The following RCOR1 variants were observed in gnomAD, a reference collection of about 807,000 sequenced individuals.
RCOR1 encodes the protein REST corepressor 1.
RCOR1 carries 12 observed loss-of-function variants against 64.0 expected under a neutral mutation model. The observed-to-expected ratio is 0.19, with a 90% CI of 0.12 to 0.30. The LOEUF is 0.30. RCOR1 is among the 10% of genes least tolerant of loss of function. RCOR1 has a pLI of 1.00. For missense variants in RCOR1, 502 were observed against 621.2 expected, an observed-to-expected ratio of 0.81 and a Z score of 2.04; for synonymous variants, 279 against 227.2, an observed-to-expected ratio of 1.23 and a Z score of -2.05.
rs1475057511 is a variant in RCOR1, at chr14:102,727,708, G to C, written c.*1202G>C. 1 of 152,156 alleles carries C rather than the reference G, an allele frequency of 6.6e-6. No homozygotes were observed. The highest frequency in any genetic ancestry group is 6.5e-5 in the Admixed American group (1 of 15,272). 9.4% of individuals were successfully genotyped at this position (152,156 alleles called of 1,614,324 possible). On this transcript the variant is annotated 3_prime_UTR_variant, in exon 12 of 12. Transcript: ENST00000262241. The stretch of plus-strand genomic sequence containing the variant: ...GAAGTGATCAATGTATTGGTCTAGT[G>C]AGACTGAGATGAAAAGAAATAACCT...
chr14:102,700,314 C>T (rs759055221), intron 3 of RCOR1, among the ~76,000 whole-genome samples: 4 of 152,164 alleles, frequency 2.6e-5, no homozygotes, highest in Admixed American at 1.3e-4. Flanking sequence ...CTCTGCCTCC[C>T]GGGTTCAAGC....
intron 11 of RCOR1, among the ~76,000 whole-genome samples, chr14:102,724,061 G>A (rs749914263): frequency 4.1e-4 from 63 of 152,070 alleles, no homozygotes; most frequent in Non-Finnish European, 6.6e-4. Flanking sequence ...AGCCCAGAAG[G>A]TTCTTCCGTA....
chr14:102,707,566 T>C (rs1278090261), intron 5 of RCOR1, 54 bp downstream of exon 5: 3 of 1,409,782 alleles, frequency 2.1e-6, no homozygotes, highest in African/African-American at 1.5e-5. Flanking sequence ...TAACTCTCTT[T>C]TGCAGCATAC....
chr14:102,715,917 C>T (rs1324786310), intron 8 of RCOR1, among the ~76,000 whole-genome samples: 3 of 152,168 alleles, frequency 2.0e-5, no homozygotes, highest in Admixed American at 2.0e-4. Flanking sequence ...TGTTGAGCAG[C>T]ATCCCTGGTC....
intron 2 of RCOR1, among the ~76,000 whole-genome samples, chr14:102,624,708 G>C (rs1372517518): frequency 6.6e-6 from 1 of 151,582 alleles, no homozygotes; most frequent in East Asian, 1.9e-4. Flanking sequence ...CGAGGTTCCA[G>C]TGAGCTGAGA....
chr14:102,707,339 T>G lies in RCOR1; in HGVS notation c.499-12T>G. ...TGTTTGATCTAAAATTTTACTGATA[T>G]CATTTTTGTAGGCTCTTGGGATGCT... On this transcript the variant is annotated splice_polypyrimidine_tract_variant and intron_variant, in intron 4 of 11. Coordinates refer to ENST00000262241, the MANE Select transcript of RCOR1 (RefSeq NM_015156.4). 6.4e-7 allele frequency: 1 copy of G among 1,566,370 alleles called. No individual in the cohort carries two copies. Among genetic ancestry groups the G allele is most frequent in the Non-Finnish European group, 8.6e-7 (1 of 1,163,762 alleles).
At chr14:102,675,879 T>G (rs983963343) in intron 2 of RCOR1, among the ~76,000 whole-genome samples, 3 of 152,226 alleles carry the variant, frequency 2.0e-5, no homozygotes, top group African/African-American at 7.2e-5. Context: ...TTGTACTGGC[T>G]TCTTTCACTC....
At chr14:102,674,603 C>A (rs1451233261) in intron 2 of RCOR1, among the ~76,000 whole-genome samples, 1 of 152,144 alleles carries the variant, frequency 6.6e-6, no homozygotes, top group Non-Finnish European at 1.5e-5. Flanking sequence ...GTCCACTTTA[C>A]TATACATTGC....
At chr14:102,662,563 G>T in intron 2 of RCOR1, 1 of 474,834 alleles carries the variant, frequency 2.1e-6, no homozygotes, top group Non-Finnish European at 4.1e-6. Context: ...GCAGTGTTTT[G>T]GGCCGCTGGA....
intron 2 of RCOR1, among the ~76,000 whole-genome samples, chr14:102,638,815 A>G (rs1248387516): frequency 6.6e-6 from 1 of 151,784 alleles, no homozygotes; most frequent in African/African-American, 2.4e-5. Flanking sequence ...GGTGCGAACC[A>G]CCACATCCGG....
intron 8 of RCOR1, among the ~76,000 whole-genome samples, chr14:102,717,186 A>G (rs1451331454): frequency 3.3e-5 from 5 of 152,242 alleles, no homozygotes; most frequent in Non-Finnish European, 7.3e-5. Context: ...TCAACCTAGT[A>G]GTTGGGTCCT....
intron 6 of RCOR1, among the ~76,000 whole-genome samples, chr14:102,709,970 G>T (rs1163803664): frequency 2.6e-5 from 4 of 152,096 alleles, no homozygotes; most frequent in Admixed American, 1.3e-4. Flanking sequence ...CACCTCCCAT[G>T]TGCACCTCAA....
chr14:102,630,325 CT>C (rs1894084641), intron 2 of RCOR1, among the ~76,000 whole-genome samples: 1 of 152,206 alleles, frequency 6.6e-6, no homozygotes, highest in South Asian at 2.1e-4. Context: ...CAGCCTGAGG[CT>C]TTCACCAGAT....
At chr14:102,633,162 AT>A (rs1276859983) in intron 2 of RCOR1, among the ~76,000 whole-genome samples, 6 of 151,838 alleles carry the variant, frequency 4.0e-5, no homozygotes, top group African/African-American at 1.5e-4. Context: ...ATAAGATAAA[AT>A]TTCACTCTGC....
At chr14:102,681,357 A>T (rs1472363927) in intron 2 of RCOR1, among the ~76,000 whole-genome samples, 1 of 152,232 alleles carries the variant, frequency 6.6e-6, no homozygotes, top group East Asian at 1.9e-4. Flanking sequence ...GCTTGCGGTT[A>T]ATTCAGTAAT....
Position 102,710,954 on chromosome 14 carries a change from G to C in RCOR1, c.799G>C (p.Ala267Pro). The change falls in exon 7 of 12, where the codon GCA becomes CCA. Residue 267 changes from alanine (A) to proline (P), a missense_variant. Ala to Pro is a conservative substitution (Grantham distance 27). Coordinates refer to ENST00000262241, the MANE Select transcript of RCOR1 (RefSeq NM_015156.4). ...REESEDELEE[A>P]NGNNPIDIEV... ...TTCCAGCGAGGATGAACTGGAAGAGGCAAATGGAAACAATCCCATTGACAT... is the reference window on the plus strand; with the variant it reads ...TTCCAGCGAGGATGAACTGGAAGAGCCAAATGGAAACAATCCCATTGACAT... 6.2e-7 allele frequency: 1 copy of C among 1,605,818 alleles called. No individual in the cohort carries two copies. Among genetic ancestry groups the C allele is most frequent in the Non-Finnish European group, 8.5e-7 (1 of 1,178,008 alleles).
chr14:102,607,174 C>G (rs893989210), intron 2 of RCOR1, among the ~76,000 whole-genome samples: 8 of 152,028 alleles, frequency 5.3e-5, no homozygotes, highest in African/African-American at 1.9e-4. Context: ...CTTAGGTGAT[C>G]CGTCTGCCTT....
chr14:102,626,077 A>T (rs1893975444), intron 2 of RCOR1, among the ~76,000 whole-genome samples: 1 of 152,108 alleles, frequency 6.6e-6, no homozygotes, highest in South Asian at 2.1e-4. Context: ...TTTCCAGCTG[A>T]TGCCCTTCCA....
rs1894700264 is a variant in RCOR1, at chr14:102,655,296, A to G, written c.362-26599A>G. On this transcript the variant is annotated intron_variant, in intron 2 of 11. Coordinates refer to ENST00000262241, the MANE Select transcript of RCOR1 (RefSeq NM_015156.4). ...GTTTTCTGATTTATTTTCTACAAGG[A>G]TTCTGTTTAAATACTGGAGAATATC... 5 of 984,806 alleles carry G rather than the reference A, an allele frequency of 5.1e-6. No individual in the cohort carries two copies. The African/African-American group carries it at 7.0e-5, about 14-fold the overall frequency. The allele number at this position is 984,806 out of a possible 1,614,324, so 61.0% of individuals were successfully genotyped here.
Sources: allele counts gnomAD v4.1 joint callset (sites outside exome capture counted in the v4.1 genomes callset), GRCh38; gene constraint gnomAD v4.1.1; transcripts MANE v1.5; gene names NCBI Gene and HGNC (gene_info 2026-07-23, HGNC 2026-07-21).